UBE2O: variants seen among roughly 807,000 people sequenced by gnomAD.
UBE2O encodes ubiquitin conjugating enzyme E2 O.
UBE2O carries 15 observed loss-of-function variants against 125.8 expected under a neutral mutation model. The ratio of observed to expected loss-of-function variants is 0.12; its 90% confidence interval spans 0.08 to 0.18. The LOEUF (loss-of-function observed/expected upper bound fraction) is 0.18, where lower values mean the gene tolerates loss of function less well. UBE2O is among the 10% of genes least tolerant of loss of function. UBE2O has a pLI of 1.00. For synonymous variants in UBE2O, 708 were observed against 703.2 expected, an observed-to-expected ratio of 1.01 and a Z score of -0.11; for missense variants, 1,280 against 1,723.6, an observed-to-expected ratio of 0.74 and a Z score of 4.56.
intron 13 of UBE2O, among the ~76,000 whole-genome samples, chr17:76,397,051 G>C (rs2072223637): frequency 6.6e-6 from 1 of 152,168 alleles, no homozygotes; most frequent in Non-Finnish European, 1.5e-5. Flanking sequence ...CAAAGCCCCA[G>C]CCAGTGGTCT....
intron 1 of UBE2O, among the ~76,000 whole-genome samples, chr17:76,442,324 C>T (rs1237010358): frequency 1.3e-5 from 2 of 152,168 alleles, no homozygotes; most frequent in African/African-American, 2.4e-5. Flanking sequence ...CAAAAGAACC[C>T]AACTTGGGCA....
intron 1 of UBE2O, chr17:76,430,499 T>C: frequency 3.8e-6 from 1 of 264,508 alleles, no homozygotes; most frequent in South Asian, 4.1e-5. Flanking sequence ...GGTGGTCTTT[T>C]TCTTCATTCC....
At chr17:76,444,109 T>C (rs1477271699) in intron 1 of UBE2O, among the ~76,000 whole-genome samples, 1 of 152,062 alleles carries the variant, frequency 6.6e-6, no homozygotes, top group Non-Finnish European at 1.5e-5. Context: ...TAATCCCAGC[T>C]ACTTGGGAGG....
chr17:76,420,727 G>A (rs1304409828), intron 1 of UBE2O, among the ~76,000 whole-genome samples: 1 of 152,188 alleles, frequency 6.6e-6, no homozygotes, highest in Non-Finnish European at 1.5e-5. Flanking sequence ...GACACAAGAC[G>A]TCCTGGGATC....
chr17:76,441,000 C>T (rs1017921903), intron 1 of UBE2O, among the ~76,000 whole-genome samples: 1 of 152,194 alleles, frequency 6.6e-6, no homozygotes, highest in Non-Finnish European at 1.5e-5. Context: ...AGAGAACCTG[C>T]ATTCGGGCAG....
chr17:76,436,498 G>C (rs2073000154), intron 1 of UBE2O, among the ~76,000 whole-genome samples: 1 of 152,100 alleles, frequency 6.6e-6, no homozygotes, highest in African/African-American at 2.4e-5. Context: ...GATTGTCAGA[G>C]ACTGAAGAAC....
intron 1 of UBE2O, among the ~76,000 whole-genome samples, chr17:76,441,775 TTCCCCC>T (rs1409850387): frequency 6.6e-6 from 1 of 152,320 alleles, no homozygotes; most frequent in East Asian, 1.9e-4. Context: ...CTCTCTTCAC[TTCCCCC>T]TCCCCCTCCA....
rs2072252813 is a variant in UBE2O at position 76,398,281 on chromosome 17, C to T, written c.1999G>A (p.Asp667Asn). The change falls in exon 12 of 18, where the codon GAT (aspartate) becomes AAT (asparagine). Residue 667 changes from aspartate to asparagine, a missense_variant. Physicochemically the swap from Asp to Asn is conservative, Grantham distance 23 (BLOSUM62 1). Around this residue, in one of 10 missense-constraint regions of UBE2O, gnomAD observed 210 missense variants for 268.9 expected, o/e 0.78. Coordinates refer to ENST00000319380, the MANE Select transcript of UBE2O (RefSeq NM_022066.4). This position sits in a 1 kb window ranked among gnomAD's most constrained non-coding sequence, Gnocchi z 5.4. Reference protein sequence around the residue: ...DIVIRIGNTEDGAPHKEDEPS... With the variant: ...DIVIRIGNTENGAPHKEDEPS... ...TCATCCTCCTTGTGAGGAGCCCCAT[C>T]CTCAGTATTGCCGATGCGGATGACG... 6.2e-7 allele frequency: 1 copy of T among 1,614,072 alleles called. No individual in the cohort carries two copies. Among genetic ancestry groups the T allele is most frequent in the African/African-American group, 1.3e-5 (1 of 74,922 alleles).
chr17:76,391,300 T>C lies in UBE2O; in HGVS notation c.3522A>G (p.Val1174=). ...KASSSPEPPA[V]AELSDSGQQE... The stretch of plus-strand genomic sequence containing the variant: ...GTTGGCCGGAGTCTGACAGCTCGGC[T>C]ACAGCTGGGGGCTCTGGCGAGCTGC... Residue 1174 remains valine, a synonymous_variant, in exon 18 of 18, where the codon GTA becomes GTG. Coordinates refer to ENST00000319380, the MANE Select transcript of UBE2O (RefSeq NM_022066.4). The surrounding 1 kb of genome is among the most constrained non-coding windows in gnomAD (Gnocchi z 8.4). 1 of 1,612,950 alleles carries C rather than the reference T, an allele frequency of 6.2e-7. No homozygotes were observed. The highest frequency in any genetic ancestry group is 8.5e-7 in the Non-Finnish European group (1 of 1,179,984).
chr17:76,425,418 T>A (rs918973111), intron 1 of UBE2O, among the ~76,000 whole-genome samples: 2 of 152,168 alleles, frequency 1.3e-5, no homozygotes, highest in African/African-American at 4.8e-5. Flanking sequence ...TCCCCCATCT[T>A]ACCCTCTCAA....
In UBE2O at chr17:76,391,772, C is replaced by G. The variant is rs1177029356; in HGVS notation, c.3192G>C (p.Val1064=). The G allele has an allele frequency of 6.2e-7, 1 of 1,614,140 alleles. No individual in the cohort carries two copies. Among genetic ancestry groups the G allele is most frequent in the East Asian group, 2.2e-5 (1 of 44,876 alleles). Residue 1064 remains valine (V), a synonymous_variant, in exon 17 of 18, where the codon GTG becomes GTC. Transcript: ENST00000319380. The surrounding 1 kb of genome is among the most constrained non-coding windows in gnomAD (Gnocchi z 8.4). ...RWTSKSSLLQ[V]LISIQGLILV... ...CAACTGTACCTTGGATGGAGATGAG[C>G]ACCTGGAGAAGGCTGGACTTGCTTG...
chr17:76,425,225 C>CAAAAAAAA (rs58377572), intron 1 of UBE2O, among the ~76,000 whole-genome samples: 21 of 95,080 alleles, frequency 2.2e-4, no homozygotes, highest in African/African-American at 5.5e-4. Context: ...GTCCTTTCGA[C>CAAAAAAAA]AAAAAAAAAA....
intron 1 of UBE2O, among the ~76,000 whole-genome samples, chr17:76,432,892 G>T (rs2072926796): frequency 6.6e-6 from 1 of 152,194 alleles, no homozygotes; most frequent in Middle Eastern, 3.2e-3. Flanking sequence ...CAATACCCAT[G>T]CATGCCCACT....
chr17:76,414,006 G>C (rs2072558168), intron 1 of UBE2O, among the ~76,000 whole-genome samples: 1 of 152,226 alleles, frequency 6.6e-6, no homozygotes, highest in Non-Finnish European at 1.5e-5. Context: ...GCTGGTGCCA[G>C]TGTAAGGACT....
At chr17:76,415,466 T>C (rs2072584294) in intron 1 of UBE2O, among the ~76,000 whole-genome samples, 1 of 152,198 alleles carries the variant, frequency 6.6e-6, no homozygotes. Context: ...TCTCCAAGCA[T>C]GGCCCTTGCT....
At position 76,397,774 on chromosome 17, in the gene UBE2O, CA is replaced by C; in HGVS notation, c.2115+24del. On this transcript the variant is annotated intron_variant, in intron 13 of 17. Coordinates refer to ENST00000319380, the MANE Select transcript of UBE2O (RefSeq NM_022066.4). ...CAAGTTGCCATAGTCACAAGCTCAG[CA>C]GGGGGGTCTTGCCAGAGCCTCACCT... is the stretch of plus-strand genomic sequence containing the variant. 6.2e-6 allele frequency: 10 copies of C among 1,609,736 alleles called. 1 individual carries two copies. The South Asian group carries it at 9.9e-5, about 16-fold the overall frequency.
At chr17:76,414,744 G>C (rs1213771635) in intron 1 of UBE2O, among the ~76,000 whole-genome samples, 1 of 152,238 alleles carries the variant, frequency 6.6e-6, no homozygotes, top group Admixed American at 6.5e-5. Context: ...AGCTTGGCCT[G>C]GCAGGGGGCC....
chr17:76,449,690 G>A (rs993047288), intron 1 of UBE2O, among the ~76,000 whole-genome samples: 4 of 152,022 alleles, frequency 2.6e-5, no homozygotes, highest in South Asian at 2.1e-4. Flanking sequence ...AGGCCGAGGC[G>A]GGCGGATCAC....
At chr17:76,425,523 A>G (rs946673107) in intron 1 of UBE2O, among the ~76,000 whole-genome samples, 2 of 152,136 alleles carry the variant, frequency 1.3e-5, no homozygotes, top group African/African-American at 4.8e-5. Context: ...CTAATTCCTA[A>G]CTTATTATAG....
Sources: gnomAD v4.1 joint callset for allele counts (sites outside exome capture counted in the v4.1 genomes callset) on GRCh38, gnomAD v4.1.1 for gene constraint, gnomAD v4.1.1 regional missense constraint, Gnocchi (gnomAD v3.1) non-coding constraint, MANE v1.5 for transcripts, NCBI Gene and HGNC (gene_info 2026-07-23, HGNC 2026-07-21) for gene names.